The following SLC25A36 variants were observed in gnomAD, a reference collection of about 807,000 sequenced individuals.
SLC25A36 encodes epididymis secretory sperm binding protein.
In SLC25A36, 24 loss-of-function variants were observed where a neutral mutation model predicts 35.3. The ratio of observed to expected loss-of-function variants is 0.68; its 90% CI spans 0.49 to 0.96. SLC25A36 has a LOEUF of 0.96. Among genes scored for constraint, SLC25A36 ranks in the 40% least tolerant of loss-of-function variants. SLC25A36 has a pLI of 0.00. For missense variants in SLC25A36, 294 were observed against 381.1 expected, an observed-to-expected ratio of 0.77 and a Z score of 1.90; for synonymous variants, 141 against 132.2, an observed-to-expected ratio of 1.07 and a Z score of -0.46.
intron 3 of SLC25A36, among the ~76,000 whole-genome samples, chr3:140,961,855 CAAAAAAAAAAA>C (rs553759457): frequency 7.3e-4 from 26 of 35,840 alleles, no homozygotes; most frequent in East Asian, 2.0e-3. Context: ...GGCTCCGTCT[CAAAAAAAAAAA>C]AAAAAAAAAA....
chr3:140,958,683 A>G (rs963209871), intron 2 of SLC25A36, among the ~76,000 whole-genome samples: 13 of 152,220 alleles, frequency 8.5e-5, no homozygotes, highest in African/African-American at 2.9e-4. Flanking sequence ...TGTAGTAGTA[A>G]GAAGTATTGT....
chr3:140,946,260 A>G (rs1311914756), intron 1 of SLC25A36, among the ~76,000 whole-genome samples: 1 of 152,194 alleles, frequency 6.6e-6, no homozygotes, highest in African/African-American at 2.4e-5. Flanking sequence ...TCTTACTGAG[A>G]TGACATTTGA....
chr3:140,957,846 C>A (rs560525015), intron 2 of SLC25A36, among the ~76,000 whole-genome samples: 16 of 152,142 alleles, frequency 1.1e-4, no homozygotes, highest in Non-Finnish European at 2.2e-4. Flanking sequence ...ATTGCCCCTC[C>A]TTAAAATTCT....
rs747382736 is a variant in SLC25A36, at chr3:140,976,478, A to T, written c.*25A>T. On this transcript the variant is annotated 3_prime_UTR_variant, in exon 7 of 7. Transcript: ENST00000324194. ...GCAGCACGAGGACTGCTGTACTGCA[A>T]AAAAAGAAGACCAAAAGATTACAGT... 249 of 1,567,522 alleles carry T rather than the reference A, an allele frequency of 1.6e-4. 2 individuals carry two copies. In the South Asian group the frequency reaches 2.8e-3, roughly 18 times the overall value.
At chr3:140,957,098 A>G (rs905452133) in intron 2 of SLC25A36, 1 of 153,406 alleles carries the variant, frequency 6.5e-6, no homozygotes, top group Admixed American at 6.5e-5. Flanking sequence ...CCTAAGTACA[A>G]CTGAGACAGC....
At chr3:140,974,135 T>C in intron 6 of SLC25A36, 130 bp downstream of exon 6, 1 of 627,082 alleles carries the variant, frequency 1.6e-6, no homozygotes, top group East Asian at 2.8e-5. Flanking sequence ...ATAATGAGAT[T>C]AAATCTGGTT....
At chr3:140,963,427 T>A (rs1233496846) in intron 4 of SLC25A36, 200 bp downstream of exon 4, 1 of 460,490 alleles carries the variant, frequency 2.2e-6, no homozygotes, top group African/African-American at 2.1e-5. Flanking sequence ...GGAGTTTACA[T>A]GCTAGGGTAC....
At position 140,942,033 on chromosome 3, in the gene SLC25A36, C is replaced by T. The variant is rs1027083505; in HGVS notation, c.-22C>T. On this transcript the variant is annotated 5_prime_UTR_variant, in exon 1 of 7. Coordinates refer to ENST00000324194, the MANE Select transcript of SLC25A36 (RefSeq NM_001104647.3). ...CAGATCCGCGTCCCGCCTCAGCGGC[C>T]GGAGGACATGCGGGAGAGAGAATGA... 5 of 1,420,084 alleles carry T rather than the reference C, an allele frequency of 3.5e-6. No individual in the cohort carries two copies. The highest frequency in any genetic ancestry group is 4.8e-6 in the Non-Finnish European group (5 of 1,039,868). The allele number at this position is 1,420,084 out of a possible 1,614,324, so 88.0% of individuals were successfully genotyped here.
intron 1 of SLC25A36, chr3:140,942,415 G>T: frequency 4.0e-6 from 1 of 248,900 alleles, no homozygotes; most frequent in Non-Finnish European, 7.8e-6. Context: ...GGCGGAGGCC[G>T]AATCCATGCG....
chr3:140,952,019 C>CTTTT (rs200986661), intron 1 of SLC25A36, among the ~76,000 whole-genome samples: 1 of 137,430 alleles, frequency 7.3e-6, no homozygotes, highest in East Asian at 2.1e-4. Flanking sequence ...TTCTTTCTCT[C>CTTTT]TTTTTTTTTT....
intron 4 of SLC25A36, chr3:140,963,844 A>G (rs1934693754): frequency 6.6e-6 from 1 of 152,032 alleles, no homozygotes; most frequent in Non-Finnish European, 1.5e-5. Context: ...TTCTGTCATC[A>G]CTGATAAGTA....
chr3:140,966,594 AATAG>A (rs985350072), intron 4 of SLC25A36, among the ~76,000 whole-genome samples: 1 of 151,484 alleles, frequency 6.6e-6, no homozygotes, highest in African/African-American at 2.4e-5. Flanking sequence ...CCTTAATTAT[AATAG>A]ATAATAGTGG....
At chr3:140,944,007 G>A (rs1012890048) in intron 1 of SLC25A36, among the ~76,000 whole-genome samples, 4 of 152,104 alleles carry the variant, frequency 2.6e-5, no homozygotes, top group African/African-American at 9.7e-5. Context: ...GATATGGTAT[G>A]TAGGATTTGA....
rs1576493182 is a variant in SLC25A36, at chr3:140,980,695, C to G, written c.*4242C>G. On this transcript the variant is annotated 3_prime_UTR_variant, in exon 7 of 7. Coordinates refer to ENST00000324194, the MANE Select transcript of SLC25A36 (RefSeq NM_001104647.3). ...AAAATGTAATTAAATGTTCCCCCTG[C>G]CCCCCCCCCCTTTTAATATATATAC... Among the ~76,000 whole-genome samples, 1 of 1,002 alleles carries G rather than the reference C, an allele frequency of 1.0e-3. No individual in the cohort carries two copies. The highest frequency in any genetic ancestry group is 1.5e-3 in the African/African-American group (1 of 664). The allele number at this position is 1,002 out of a possible 152,430, so 0.7% of individuals were successfully genotyped here. A position where few individuals can be genotyped will look rare whatever the true frequency, so the allele number is the denominator to read the frequency against.
At chr3:140,959,240 T>C (rs113077167) in intron 2 of SLC25A36, among the ~76,000 whole-genome samples, 11,322 of 152,018 alleles carry the variant, frequency 0.074, 530 homozygotes, top group East Asian at 0.16. Context: ...GGTCTTGAAC[T>C]TCTGACCTCA....
chr3:140,972,323 TA>T (rs1934925756), intron 5 of SLC25A36, among the ~76,000 whole-genome samples: 1 of 152,008 alleles, frequency 6.6e-6, no homozygotes, highest in Non-Finnish European at 1.5e-5. Flanking sequence ...GGGAATTGGA[TA>T]GGGGTGGGGT....
At chr3:140,945,021 A>C (rs546266804) in intron 1 of SLC25A36, among the ~76,000 whole-genome samples, 85 of 152,198 alleles carry the variant, frequency 5.6e-4, no homozygotes, top group Non-Finnish European at 9.6e-4. Context: ...TGCTCTGTTT[A>C]AGCTGCTATT....
Position 140,973,890 on chromosome 3 carries a change from T to C in SLC25A36, c.627T>C (p.Thr209=), listed in dbSNP as rs1407094979. Residue 209 remains threonine (T), a synonymous_variant, in exon 6 of 7, where the codon ACT becomes ACC. Transcript: ENST00000324194. ...SIKQKLLEYK[T]ASTMENDEES... ...AACAAAAACTACTGGAATATAAGACTGCTTCTACAATGGAAAATGATGAAG... is the reference window on the plus strand; with the variant it reads ...AACAAAAACTACTGGAATATAAGACCGCTTCTACAATGGAAAATGATGAAG... 6.2e-7 allele frequency: 1 copy of C among 1,613,290 alleles called. No homozygotes were observed. The highest frequency in any genetic ancestry group is 1.3e-5 in the African/African-American group (1 of 74,888).
At chr3:140,958,956 TGTTTTGTG>T (rs2107796341) in intron 2 of SLC25A36, among the ~76,000 whole-genome samples, 1 of 130,602 alleles carries the variant, frequency 7.7e-6, no homozygotes, top group East Asian at 2.3e-4. Context: ...GAAAAAACAA[TGTTTTGTG>T]TGTGTGTGTG....
Sources: allele counts gnomAD v4.1 joint callset (sites outside exome capture counted in the v4.1 genomes callset), GRCh38; gene constraint gnomAD v4.1.1; transcripts MANE v1.5; gene names NCBI Gene and HGNC (gene_info 2026-07-23, HGNC 2026-07-21).